The following RANBP2 variants were observed in gnomAD, a reference collection of about 807,000 sequenced individuals.
The protein encoded by RANBP2 is E3 SUMO-protein ligase RanBP2.
RANBP2 carries 57 observed loss-of-function variants against 303.6 expected under a neutral mutation model. The ratio of observed to expected loss-of-function variants is 0.19; its 90% CI spans 0.15 to 0.23. The LOEUF (loss-of-function observed/expected upper bound fraction) is 0.23, where lower values mean the gene tolerates loss of function less well. RANBP2 is among the 10% of genes least tolerant of loss of function. The pLI is 1.00. For synonymous variants in RANBP2, 1,167 were observed against 1,301.5 expected (o/e 0.90, Z 2.23); for missense variants, 3,138 against 3,780.8 (o/e 0.83, Z 4.46).
At chr2:109,647,300 A>T in the RANBP2 span, among the ~76,000 whole-genome samples, 1 of 150,932 alleles carries the variant, frequency 6.6e-6, no homozygotes, top group Non-Finnish European at 1.5e-5. Context: ...AATATCTGGG[A>T]CTACAGGCGT....
At chr2:109,053,116 T>G in the RANBP2 span, among the ~76,000 whole-genome samples, 1 of 152,144 alleles carries the variant, frequency 6.6e-6, no homozygotes, top group South Asian at 2.1e-4. Context: ...TTGCTGTGAG[T>G]GGACCCCAGT....
At chr2:109,614,843 C>T in the RANBP2 span, 2 of 1,406,436 alleles carry the variant, frequency 1.4e-6, no homozygotes, top group Admixed American at 3.4e-5. Flanking sequence ...GCGATCGGCT[C>T]CCCGACGCGG....
chr2:109,558,739 G>A, the RANBP2 span, among the ~76,000 whole-genome samples: 1 of 152,108 alleles, frequency 6.6e-6, no homozygotes, highest in African/African-American at 2.4e-5. Context: ...GGGCCAGGAA[G>A]TACAGTCACA....
At chr2:109,404,072 A>G in the RANBP2 span, among the ~76,000 whole-genome samples, 1 of 152,178 alleles carries the variant, frequency 6.6e-6, no homozygotes, top group African/African-American at 2.4e-5. Flanking sequence ...CCAGGAGCCC[A>G]TCTCTGGCTT....
downstream of RANBP2, chr2:108,788,077 C>CT (rs780643039): frequency 1.2e-6 from 2 of 1,600,186 alleles, no homozygotes; most frequent in Non-Finnish European, 1.7e-6. Context: ...GAGAAGAACT[C>CT]TAACCTCCCC....
the RANBP2 span, among the ~76,000 whole-genome samples, chr2:109,476,495 A>G: frequency 6.6e-6 from 1 of 152,242 alleles, no homozygotes; most frequent in Non-Finnish European, 1.5e-5. Context: ...CTAGAACCCA[A>G]GATATTTGGA....
At chr2:109,517,954 C>A in the RANBP2 span, among the ~76,000 whole-genome samples, 2 of 152,192 alleles carry the variant, frequency 1.3e-5, no homozygotes, top group African/African-American at 2.4e-5. Flanking sequence ...GAGCTCGAGT[C>A]CCATTTGAGA....
At chr2:109,201,772 A>G in the RANBP2 span, among the ~76,000 whole-genome samples, 1 of 152,148 alleles carries the variant, frequency 6.6e-6, no homozygotes, top group Non-Finnish European at 1.5e-5. Flanking sequence ...TTGGTAGGAA[A>G]TGAGCTTTGG....
the RANBP2 span, among the ~76,000 whole-genome samples, chr2:109,241,435 G>A: frequency 1.3e-5 from 2 of 152,224 alleles, no homozygotes; most frequent in Non-Finnish European, 2.9e-5. Context: ...ATGGCTGGAA[G>A]AAATACTTTA....
At chr2:109,730,619 CAT>C in the RANBP2 span, among the ~76,000 whole-genome samples, 3 of 152,072 alleles carry the variant, frequency 2.0e-5, no homozygotes, top group Non-Finnish European at 4.4e-5. Flanking sequence ...TCATAAATAA[CAT>C]ATATTTCTCA....
the RANBP2 span, among the ~76,000 whole-genome samples, chr2:109,386,830 C>G: frequency 6.6e-6 from 1 of 152,148 alleles, no homozygotes; most frequent in African/African-American, 2.4e-5. Context: ...TCTCACAAAA[C>G]CAAAGACACC....
At chr2:109,603,224 T>G in the RANBP2 span, among the ~76,000 whole-genome samples, 6 of 152,088 alleles carry the variant, frequency 3.9e-5, no homozygotes, top group Non-Finnish European at 8.8e-5. Context: ...ATGTTATTAT[T>G]ATCATTATTA....
At chr2:109,191,395 T>C in the RANBP2 span, among the ~76,000 whole-genome samples, 1 of 152,198 alleles carries the variant, frequency 6.6e-6, no homozygotes, top group Non-Finnish European at 1.5e-5. Context: ...GTCTCTTGCA[T>C]ACCTACTGTG....
At chr2:109,628,430 G>T in the RANBP2 span, among the ~76,000 whole-genome samples, 1 of 152,006 alleles carries the variant, frequency 6.6e-6, no homozygotes, top group Non-Finnish European at 1.5e-5. Context: ...GGTGGCAGAA[G>T]TTGCAGTGAG....
At chr2:109,577,449 T>C in the RANBP2 span, among the ~76,000 whole-genome samples, 1 of 151,170 alleles carries the variant, frequency 6.6e-6, no homozygotes, top group Non-Finnish European at 1.5e-5. Flanking sequence ...AAAAATTAGC[T>C]GGGCATGATG....
At chr2:108,868,755 A>C in the RANBP2 span, among the ~76,000 whole-genome samples, 1 of 152,166 alleles carries the variant, frequency 6.6e-6, no homozygotes, top group Non-Finnish European at 1.5e-5. Context: ...TTTGACCATG[A>C]CACATAAAAA....
chr2:108,998,192 G>A, the RANBP2 span, among the ~76,000 whole-genome samples: 1 of 152,150 alleles, frequency 6.6e-6, no homozygotes, highest in Non-Finnish European at 1.5e-5. Context: ...TTAATGCCAT[G>A]CAACAAGACC....
At chr2:108,852,770 G>T in the RANBP2 span, among the ~76,000 whole-genome samples, 2 of 152,108 alleles carry the variant, frequency 1.3e-5, no homozygotes, top group African/African-American at 2.4e-5. Flanking sequence ...GGAGGGACAG[G>T]ATCAGGAAAA....
chr2:109,035,624 G>A, the RANBP2 span, among the ~76,000 whole-genome samples: 1 of 152,032 alleles, frequency 6.6e-6, no homozygotes, highest in Admixed American at 6.6e-5. Flanking sequence ...GACAACAAAA[G>A]GAAACCTTTT....
Sources: gnomAD v4.1 joint callset for allele counts (sites outside exome capture counted in the v4.1 genomes callset) on GRCh38, gnomAD v4.1.1 for gene constraint, MANE v1.5 for transcripts, NCBI Gene and HGNC (gene_info 2026-07-23, HGNC 2026-07-21) for gene names.